Variants in PIGB observed in about 807,000 individuals in gnomAD.
PIGB encodes the protein phosphatidylinositol glycan anchor biosynthesis class B.
Under a neutral mutation model 68.4 loss-of-function variants are expected in PIGB, and 58 were observed. The observed-to-expected ratio is 0.85, with a 90% CI of 0.69 to 1.06. PIGB has a LOEUF of 1.06. Among genes scored for constraint, PIGB ranks in the 50% least tolerant of loss-of-function variants. The pLI, the probability that PIGB is intolerant of heterozygous loss-of-function variation, is 0.00. For synonymous variants in PIGB, 219 were observed against 220.5 expected (o/e 0.99, Z 0.06); for missense variants, 634 against 655.8 (o/e 0.97, Z 0.36).
chr15:55,355,174 T>C, intron 11 of PIGB, 112 bp from the exon 12 acceptor site: 1 of 976,966 alleles, frequency 1.0e-6, no homozygotes, highest in Non-Finnish European at 1.5e-6. Context: ...GTTAATTCTT[T>C]TATTAAGCAA....
At chr15:55,349,043 C>T (rs1017272953) in intron 9 of PIGB, among the ~76,000 whole-genome samples, 9 of 148,614 alleles carry the variant, frequency 6.1e-5, no homozygotes, top group African/African-American at 1.7e-4. Flanking sequence ...ACACCACGCC[C>T]GGCTAATTTT....
At chr15:55,336,152 T>A (rs560879386) in intron 6 of PIGB, among the ~76,000 whole-genome samples, 1 of 152,252 alleles carries the variant, frequency 6.6e-6, no homozygotes, top group East Asian at 1.9e-4. Flanking sequence ...ACACCTGTAA[T>A]CCCAGTGCCC....
intron 6 of PIGB, among the ~76,000 whole-genome samples, chr15:55,336,399 AAAT>A (rs1312727416): frequency 6.6e-6 from 1 of 151,994 alleles, no homozygotes; most frequent in Non-Finnish European, 1.5e-5. Flanking sequence ...TAAACAAAAT[AAAT>A]AACAAAGAAA....
At chr15:55,336,965 G>A (rs2055551336) in intron 6 of PIGB, among the ~76,000 whole-genome samples, 1 of 152,200 alleles carries the variant, frequency 6.6e-6, no homozygotes, top group Non-Finnish European at 1.5e-5. Flanking sequence ...ACTCCAGCCT[G>A]GGCAACAGAG....
At chr15:55,340,361 CAGG>C (rs2055637883) in intron 7 of PIGB, 1 of 198,940 alleles carries the variant, frequency 5.0e-6, no homozygotes, top group South Asian at 9.2e-5. Flanking sequence ...GAGGCTGAGG[CAGG>C]AGAATGGCGT....
chr15:55,329,618 G>C, intron 4 of PIGB, 106 bp from the exon 5 acceptor site: 1 of 907,040 alleles, frequency 1.1e-6, no homozygotes. Context: ...TCTACCTTTT[G>C]ATGTCCTTTT....
intron 3 of PIGB, among the ~76,000 whole-genome samples, 168 bp from the exon 4 acceptor site, chr15:55,327,363 G>C (rs7174876): frequency 2.0e-5 from 3 of 151,540 alleles, no homozygotes; most frequent in African/African-American, 7.3e-5. Flanking sequence ...TTGTAGAAAA[G>C]GGGATGTAGG....
intron 3 of PIGB, 45 bp from the exon 4 acceptor site, chr15:55,327,486 C>T: frequency 1.6e-6 from 2 of 1,272,312 alleles, no homozygotes; most frequent in African/African-American, 1.5e-5. Flanking sequence ...CAGTTTGAAC[C>T]AACAGATATT....
chr15:55,355,250 T>C (rs1371333549), intron 11 of PIGB, 36 bp from the exon 12 acceptor site: 1 of 1,542,478 alleles, frequency 6.5e-7, no homozygotes, highest in Admixed American at 1.8e-5. Flanking sequence ...CAGCAAAATG[T>C]AGCCTTTATT....
chr15:55,346,905 T>C (rs981675167), intron 9 of PIGB, among the ~76,000 whole-genome samples: 3 of 152,148 alleles, frequency 2.0e-5, no homozygotes, highest in Admixed American at 2.0e-4. Flanking sequence ...AACTGGAAAA[T>C]CTTTCCAACC....
intron 4 of PIGB, among the ~76,000 whole-genome samples, chr15:55,328,118 G>A (rs1566949250): frequency 1.3e-5 from 2 of 152,138 alleles, no homozygotes; most frequent in Admixed American, 6.6e-5. Flanking sequence ...AGTAATTGTC[G>A]TTTGTGCCAC....
intron 1 of PIGB, 31 bp from the exon 2 acceptor site, chr15:55,320,244 C>T: frequency 1.9e-6 from 3 of 1,595,994 alleles, no homozygotes; most frequent in Non-Finnish European, 2.6e-6. Flanking sequence ...GACTTTTGTG[C>T]CACTATTACC....
chr15:55,329,716 T>TA lies in PIGB; in HGVS notation c.523-8_523-7insA. On this transcript the variant is annotated splice_polypyrimidine_tract_variant and splice_region_variant and intron_variant, in intron 4 of 11. Coordinates refer to ENST00000164305, the MANE Select transcript of PIGB (RefSeq NM_004855.5). ...TTTCATATATGTTTGCTCTGTACTT[T>TA]TTCTTAGTTTTTTTGCCAGTTGTGC... 11 of 1,605,684 alleles carry TA rather than the reference T, an allele frequency of 6.9e-6. No homozygotes were observed. Among genetic ancestry groups the TA allele is most frequent in the Non-Finnish European group, 8.5e-6 (10 of 1,176,612 alleles).
chr15:55,319,412 G>A lies in PIGB; in HGVS notation c.162G>A (p.Gly54=), dbSNP rs963051022. The change falls in exon 1 of 12, where the codon GGG becomes GGA. Residue 54 remains glycine (G), a splice_region_variant and synonymous_variant. Coordinates refer to ENST00000164305, the MANE Select transcript of PIGB (RefSeq NM_004855.5). ...AGGAGAAGAGCGCCAGGCGCCGCGG[G>A]GGTGAGTGAGGGGACACTGTCTGGA... ...NTQEKSARRR[G]DLLGENIYLL... 1 of 1,551,508 alleles carries A rather than the reference G, an allele frequency of 6.4e-7. No homozygotes were observed. Among genetic ancestry groups the A allele is most frequent in the Non-Finnish European group, 8.7e-7 (1 of 1,146,844 alleles).
rs758173223 is a variant in PIGB, at chr15:55,350,853, C to G, written c.1278C>G (p.Pro426=). 1.2e-6 allele frequency: 2 copies of G among 1,609,130 alleles called. No homozygotes were observed. The highest frequency in any genetic ancestry group is 1.7e-6 in the Non-Finnish European group (2 of 1,175,734). Residue 426 remains proline (P), a synonymous_variant, in exon 10 of 12, where the codon CCC becomes CCG. Coordinates refer to ENST00000164305, the MANE Select transcript of PIGB (RefSeq NM_004855.5). The stretch of plus-strand genomic sequence containing the variant: ...TTCAAAAAGTTTGTTACAACAATCC[C>G]AATAAATCTTCAGCTTCAATATTTA... The part of the protein sequence containing the change: ...SHIQKVCYNN[P]NKSSASIFIM...
rs769726873 is a variant in PIGB, at chr15:55,327,546, C to G, written c.433C>G (p.Leu145Val). 6.8e-6 allele frequency: 11 copies of G among 1,608,028 alleles called. No homozygotes were observed. In the East Asian group the frequency reaches 2.5e-4, roughly 36 times the overall value. Residue 145 changes from leucine to valine, a missense_variant, in exon 4 of 12, where the codon CTT becomes GTT. By Grantham distance (32) the Leu-to-Val change is conservative. Transcript: ENST00000164305. ...SVQLLIWIPR[L>V]AQALLSAVAD... is the part of the protein sequence containing the mutation. The stretch of plus-strand genomic sequence containing the variant: ...ACTGATGAAGATTTGGATTCCTAGA[C>G]TTGCCCAAGCACTTCTGTCTGCTGT...
Position 55,329,724 on chromosome 15 carries a change from T to G in PIGB, c.523T>G (p.Phe175Val). 3 of 1,605,404 alleles carry G rather than the reference T, an allele frequency of 1.9e-6. No homozygotes were observed. The highest frequency in any genetic ancestry group is 2.6e-6 in the Non-Finnish European group (3 of 1,176,234). ...LENQEVARWV[F>V]FCQLCSWFTW... is the part of the protein sequence containing the mutation. ...ATGTTTGCTCTGTACTTTTTCTTAG[T>G]TTTTTTGCCAGTTGTGCTCCTGGTT... The change falls in exon 5 of 12, where the codon TTT becomes GTT. Residue 175 changes from phenylalanine (F) to valine (V), a missense_variant and splice_region_variant. Coordinates refer to ENST00000164305, the MANE Select transcript of PIGB (RefSeq NM_004855.5).
At chr15:55,324,989 A>C (rs998381131) in intron 3 of PIGB, among the ~76,000 whole-genome samples, 2 of 152,226 alleles carry the variant, frequency 1.3e-5, no homozygotes, top group Admixed American at 6.5e-5. Flanking sequence ...CTAAAAGTAA[A>C]GCAGCTCCTA....
intron 9 of PIGB, among the ~76,000 whole-genome samples, chr15:55,347,925 C>T (rs972258323): frequency 2.6e-5 from 4 of 151,694 alleles, no homozygotes; most frequent in African/African-American, 9.7e-5. Flanking sequence ...TCTTGATCAC[C>T]AAGTATTCCC....
Sources: gnomAD v4.1 joint callset for allele counts (sites outside exome capture counted in the v4.1 genomes callset) on GRCh38, gnomAD v4.1.1 for gene constraint, MANE v1.5 for transcripts, NCBI Gene and HGNC (gene_info 2026-07-23, HGNC 2026-07-21) for gene names.